ATP9B: variants seen among roughly 807,000 people sequenced by gnomAD.
ATP9B encodes ATPase phospholipid transporting 9B.
A neutral mutation model predicts 146.1 loss-of-function variants in ATP9B; 110 were observed. The ratio of observed to expected loss-of-function variants is 0.75; its 90% CI spans 0.65 to 0.88. ATP9B has a LOEUF of 0.88. Ranked by LOEUF, ATP9B falls within the 40% of genes least tolerant of loss-of-function variation. ATP9B has a pLI of 0.00. For missense variants in ATP9B, 1,499 were observed against 1,496.4 expected, an observed-to-expected ratio of 1.00 and a Z score of -0.03; for synonymous variants, 604 against 569.7, an observed-to-expected ratio of 1.06 and a Z score of -0.86.
At chr18:79,269,414 CTTAG>C (rs2096234922) in intron 12 of ATP9B, among the ~76,000 whole-genome samples, 1 of 152,136 alleles carries the variant, frequency 6.6e-6, no homozygotes, top group Non-Finnish European at 1.5e-5. Flanking sequence ...ATTGATATTT[CTTAG>C]TTCTAAAAAT....
chr18:79,215,403 C>T (rs148815572), intron 11 of ATP9B, among the ~76,000 whole-genome samples: 1 of 152,130 alleles, frequency 6.6e-6, no homozygotes, highest in African/African-American at 2.4e-5. Flanking sequence ...CTGATAGAAC[C>T]CCAGATATCT....
chr18:79,073,682 A>G (rs1020382794), intron 1 of ATP9B, among the ~76,000 whole-genome samples: 1 of 152,162 alleles, frequency 6.6e-6, no homozygotes, highest in African/African-American at 2.4e-5. Context: ...ACGGAGAGGG[A>G]GAAGGGAGAG....
At chr18:79,152,624 A>G (rs2094708327) in intron 6 of ATP9B, among the ~76,000 whole-genome samples, 1 of 152,188 alleles carries the variant, frequency 6.6e-6, no homozygotes, top group Non-Finnish European at 1.5e-5. Context: ...GAATGACGAC[A>G]ATTCAGTGGG....
chr18:79,301,556 T>A (rs1400773047), intron 13 of ATP9B, among the ~76,000 whole-genome samples: 1 of 152,280 alleles, frequency 6.6e-6, no homozygotes, highest in Non-Finnish European at 1.5e-5. Context: ...GAATTGTTGC[T>A]AACTGCATTA....
chr18:79,265,089 G>C (rs1234011390), intron 12 of ATP9B, among the ~76,000 whole-genome samples: 2 of 152,148 alleles, frequency 1.3e-5, no homozygotes, highest in Non-Finnish European at 1.5e-5. Flanking sequence ...ACAGGCCCCA[G>C]TGTGCGTTGT....
At chr18:79,374,620 C>T (rs1240839117) in intron 28 of ATP9B, among the ~76,000 whole-genome samples, 7 of 152,222 alleles carry the variant, frequency 4.6e-5, no homozygotes, top group African/African-American at 9.6e-5. Flanking sequence ...CTCAGACCTG[C>T]GGGAGGTGAA....
chr18:79,275,459 C>T (rs2096297231), intron 12 of ATP9B, among the ~76,000 whole-genome samples: 1 of 152,252 alleles, frequency 6.6e-6, no homozygotes, highest in Non-Finnish European at 1.5e-5. Context: ...AACAGCCCTG[C>T]TATTTAGTAA....
chr18:79,244,581 G>C (rs1353761590), intron 11 of ATP9B, among the ~76,000 whole-genome samples: 1 of 152,036 alleles, frequency 6.6e-6, no homozygotes. Flanking sequence ...AGAATCTGAT[G>C]ACATTTTAGT....
chr18:79,378,241 G>A lies in ATP9B; in HGVS notation c.*858G>A, dbSNP rs920793162. 21 of 152,186 alleles carry A rather than the reference G, an allele frequency of 1.4e-4. No homozygotes were observed. The highest frequency in any genetic ancestry group is 4.6e-4 in the African/African-American group (19 of 41,428). 9.4% of individuals were successfully genotyped at this position (152,186 alleles called of 1,614,324 possible). A position where few individuals can be genotyped will look rare whatever the true frequency, so the allele number is the denominator to read the frequency against. On this transcript the variant is annotated 3_prime_UTR_variant, in exon 30 of 30. Coordinates refer to ENST00000426216, the MANE Select transcript of ATP9B (RefSeq NM_198531.5). The stretch of plus-strand genomic sequence containing the variant: ...TACCCTCGCTTTATACTTGCATTTC[G>A]CTTTTCAGTAAAAACAGTCAAGTTA...
chr18:79,291,539 T>A (rs1047517189), intron 13 of ATP9B, among the ~76,000 whole-genome samples: 1 of 152,224 alleles, frequency 6.6e-6, no homozygotes, highest in South Asian at 2.1e-4. Context: ...ATTTTTGGGC[T>A]TCATCTTCAT....
intron 15 of ATP9B, among the ~76,000 whole-genome samples, chr18:79,326,015 C>T (rs1175922878): frequency 1.5e-5 from 2 of 130,622 alleles, no homozygotes; most frequent in Admixed American, 7.3e-5. Flanking sequence ...CCCTCCCTCC[C>T]GTCATATAGT....
intron 11 of ATP9B, among the ~76,000 whole-genome samples, chr18:79,214,300 C>T (rs1438284179): frequency 5.3e-5 from 8 of 152,044 alleles, no homozygotes; most frequent in Non-Finnish European, 1.0e-4. Flanking sequence ...ATAATTTGCC[C>T]GTAATTTGAC....
At chr18:79,244,758 TG>T (rs967180348) in intron 11 of ATP9B, among the ~76,000 whole-genome samples, 102 of 152,288 alleles carry the variant, frequency 6.7e-4, no homozygotes, top group African/African-American at 2.3e-3. Context: ...AAGAAAGATT[TG>T]TAAGGAGCAT....
chr18:79,332,297 C>T (rs928830636), intron 17 of ATP9B, among the ~76,000 whole-genome samples: 30 of 152,168 alleles, frequency 2.0e-4, no homozygotes, highest in South Asian at 6.2e-4. Context: ...GGTGTGGTGG[C>T]GGGCGCCTGT....
intron 23 of ATP9B, 138 bp downstream of exon 23, chr18:79,345,977 C>G (rs1568770169): frequency 1.1e-6 from 1 of 935,434 alleles, no homozygotes; most frequent in East Asian, 2.4e-5. Flanking sequence ...GCTCGGTCAG[C>G]AAACACTCAG....
chr18:79,167,150 A>G (rs1462126968), intron 7 of ATP9B, among the ~76,000 whole-genome samples: 1 of 152,214 alleles, frequency 6.6e-6, no homozygotes, highest in African/African-American at 2.4e-5. Context: ...GAAGAGCCAC[A>G]GATCTTCTCT....
At chr18:79,246,390 T>A (rs960858438) in intron 11 of ATP9B, among the ~76,000 whole-genome samples, 1 of 148,916 alleles carries the variant, frequency 6.7e-6, no homozygotes, top group Non-Finnish European at 1.5e-5. Flanking sequence ...CCCTACTGAC[T>A]GTGAGGAGGA....
chr18:79,154,668 A>G, intron 7 of ATP9B, 113 bp downstream of exon 7: 2 of 617,806 alleles, frequency 3.2e-6, no homozygotes, highest in Non-Finnish European at 2.7e-6. Flanking sequence ...TGCTGCAGCA[A>G]TGAGGAATAT....
intron 5 of ATP9B, among the ~76,000 whole-genome samples, chr18:79,134,061 G>T (rs541323413): frequency 1.3e-5 from 2 of 152,196 alleles, no homozygotes; most frequent in African/African-American, 2.4e-5. Context: ...CCCTTGAGTC[G>T]CATGTGACTC....
Sources: allele counts gnomAD v4.1 joint callset (sites outside exome capture counted in the v4.1 genomes callset), GRCh38; gene constraint gnomAD v4.1.1; transcripts MANE v1.5; gene names NCBI Gene and HGNC (gene_info 2026-07-23, HGNC 2026-07-21).